Variants in AXDND1 observed in about 807,000 individuals in gnomAD.
AXDND1 encodes axonemal dynein light chain domain containing 1.
AXDND1 carries 110 observed loss-of-function variants against 137.5 expected under a neutral mutation model. The observed-to-expected ratio is 0.80, with a 90% CI of 0.69 to 0.94. The LOEUF (loss-of-function observed/expected upper bound fraction) is 0.94. Ranked by LOEUF, AXDND1 falls within the 40% of genes least tolerant of loss-of-function variation. The pLI is 0.00. For synonymous variants in AXDND1, 414 were observed against 399.7 expected, an observed-to-expected ratio of 1.04 and a Z score of -0.43; for missense variants, 1,191 against 1,169.8, an observed-to-expected ratio of 1.02 and a Z score of -0.26.
At chr1:179,487,281 G>A (rs575027194) in intron 18 of AXDND1, among the ~76,000 whole-genome samples, 1 of 148,404 alleles carries the variant, frequency 6.7e-6, no homozygotes, top group East Asian at 1.9e-4. Flanking sequence ...TGTGCTGCTT[G>A]GCTGTCTAAA....
rs772875770 is a variant in AXDND1 at position 179,378,751 on chromosome 1, C to T, written c.489C>T (p.Pro163=). Residue 163 remains proline, a synonymous_variant, in exon 5 of 26, where the codon CCC becomes CCT. Transcript: ENST00000367618. ...AGTCACATGATGGTGTCATTGTGCCCCATAAGGTAAATAAAGTATTTGACA... is the reference window on the plus strand; with the variant it reads ...AGTCACATGATGGTGTCATTGTGCCTCATAAGGTAAATAAAGTATTTGACA... ...SLQSHDGVIV[P]HKPKTLTDTL... 2 of 1,543,344 alleles carry T rather than the reference C, an allele frequency of 1.3e-6. No homozygotes were observed. Among genetic ancestry groups the T allele is most frequent in the Non-Finnish European group, 1.7e-6 (2 of 1,143,226 alleles).
intron 16 of AXDND1, chr1:179,450,805 A>G (rs542290285): frequency 1.3e-5 from 2 of 152,410 alleles, no homozygotes; most frequent in South Asian, 2.1e-4. Flanking sequence ...ACACATAGCT[A>G]CATAGCTACT....
intron 11 of AXDND1, among the ~76,000 whole-genome samples, chr1:179,407,905 T>C (rs188105258): frequency 1.3e-5 from 2 of 152,368 alleles, no homozygotes; most frequent in East Asian, 3.9e-4. Flanking sequence ...GGTCACTTTA[T>C]GGTGTCCCAT....
intron 12 of AXDND1, among the ~76,000 whole-genome samples, chr1:179,421,881 TA>T (rs1427527351): frequency 1.5e-4 from 23 of 151,736 alleles, no homozygotes; most frequent in African/African-American, 4.8e-4. Flanking sequence ...CTACTAAAAA[TA>T]CAAAAAAATT....
At chr1:179,446,162 C>T (rs1422219883) in intron 16 of AXDND1, among the ~76,000 whole-genome samples, 2 of 152,102 alleles carry the variant, frequency 1.3e-5, no homozygotes, top group African/African-American at 4.8e-5. Context: ...TGCTCAGGTA[C>T]TTTGCCTATG....
chr1:179,483,365 T>C, intron 18 of AXDND1, 144 bp downstream of exon 18: 1 of 505,994 alleles, frequency 2.0e-6, no homozygotes, highest in South Asian at 3.9e-5. Flanking sequence ...CTCAAATAAT[T>C]TTCAATGGAT....
At chr1:179,472,812 C>T (rs1158638059) in intron 17 of AXDND1, among the ~76,000 whole-genome samples, 1 of 152,136 alleles carries the variant, frequency 6.6e-6, no homozygotes, top group Non-Finnish European at 1.5e-5. Flanking sequence ...AGTACAGCCA[C>T]ACCAGCTTTA....
chr1:179,554,328 T>C (rs941121676), intron 25 of AXDND1, 184 bp from the exon 26 acceptor site: 1 of 834,802 alleles, frequency 1.2e-6, no homozygotes, highest in Non-Finnish European at 1.9e-6. Context: ...GGCTGTAAGA[T>C]ATTAGGTGAT....
intron 4 of AXDND1, 103 bp downstream of exon 4, chr1:179,370,181 T>C (rs1667902434): frequency 2.3e-6 from 2 of 886,128 alleles, no homozygotes; most frequent in Non-Finnish European, 3.5e-6. Context: ...CACTGAATCA[T>C]AGATGATAAA....
chr1:179,395,458 G>GT (rs1397460827), intron 11 of AXDND1, among the ~76,000 whole-genome samples: 1 of 151,998 alleles, frequency 6.6e-6, no homozygotes, highest in African/African-American at 2.4e-5. Context: ...TTACTTTCTG[G>GT]TTTTCTAAAA....
Position 179,492,932 on chromosome 1 carries a change from A to T in AXDND1, c.2369A>T (p.Tyr790Phe), listed in dbSNP as rs201169529. 6 of 1,606,318 alleles carry T rather than the reference A, an allele frequency of 3.7e-6. No individual in the cohort carries two copies. Among genetic ancestry groups the T allele is most frequent in the Non-Finnish European group, 2.6e-6 (3 of 1,175,788 alleles). Residue 790 changes from tyrosine (Y) to phenylalanine (F), a missense_variant, in exon 20 of 26, where the codon TAT becomes TTT. Coordinates refer to ENST00000367618, the MANE Select transcript of AXDND1 (RefSeq NM_144696.6). ...CACAAAAATGCTACTGAAGACCTTT[A>T]TGAGGTGGATAAGTTGAAGGTAATA... ...NSHKNATEDL[Y>F]EVDKLKKECY...
intron 15 of AXDND1, among the ~76,000 whole-genome samples, chr1:179,442,647 A>G (rs921073009): frequency 2.0e-5 from 3 of 151,936 alleles, no homozygotes; most frequent in Non-Finnish European, 4.4e-5. Context: ...TCCCATTCCC[A>G]TTACTTCTTT....
intron 21 of AXDND1, among the ~76,000 whole-genome samples, chr1:179,509,676 A>C (rs1168299466): frequency 6.6e-6 from 1 of 152,160 alleles, no homozygotes. Context: ...CCTGAGGCAT[A>C]TCCTCAGGTT....
rs749545551 is a variant in AXDND1 at position 179,429,610 on chromosome 1, A to G, written c.1323A>G (p.Leu441=). Residue 441 remains leucine (L), a synonymous_variant, in exon 13 of 26, where the codon CTA becomes CTG. Transcript: ENST00000367618. ...ACACTAAGCATTTCATCATACTGCT[A>G]TCAAACAAGGTAAAGGTCAATTATC... is the stretch of plus-strand genomic sequence containing the variant. The part of the protein sequence containing the change: ...NKYTKHFIIL[L]SNKDTEDLAL... 1.8e-5 allele frequency: 28 copies of G among 1,566,924 alleles called. No homozygotes were observed. In the East Asian group the frequency reaches 4.5e-4, roughly 25 times the overall value.
intron 2 of AXDND1, among the ~76,000 whole-genome samples, chr1:179,368,121 G>C (rs1263150251): frequency 6.6e-6 from 1 of 152,108 alleles, no homozygotes; most frequent in East Asian, 1.9e-4. Context: ...AGATTAAGAA[G>C]AATAACAACT....
chr1:179,547,412 C>T (rs16854276), intron 25 of AXDND1, among the ~76,000 whole-genome samples: 8,399 of 152,314 alleles, frequency 0.055, 769 homozygotes, highest in African/African-American at 0.19. Context: ...ACTAATCCCT[C>T]TGACCTCAAA....
intron 16 of AXDND1, chr1:179,457,434 C>G (rs1444778024): frequency 9.9e-6 from 3 of 302,700 alleles, no homozygotes; most frequent in African/African-American, 2.1e-5. Context: ...TGTCTTTTGA[C>G]TCAGGATTAT....
chr1:179,386,327 C>T (rs776192556), intron 9 of AXDND1, among the ~76,000 whole-genome samples: 31 of 152,068 alleles, frequency 2.0e-4, no homozygotes, highest in Non-Finnish European at 3.1e-4. Context: ...GGATTACAGG[C>T]GTGAGCCACC....
chr1:179,497,480 C>T (rs1197904141), intron 20 of AXDND1, among the ~76,000 whole-genome samples: 1 of 152,074 alleles, frequency 6.6e-6, no homozygotes, highest in Non-Finnish European at 1.5e-5. Flanking sequence ...AAACCCTCAA[C>T]AGACTAGACA....
Sources: allele counts gnomAD v4.1 joint callset (sites outside exome capture counted in the v4.1 genomes callset), GRCh38; gene constraint gnomAD v4.1.1; transcripts MANE v1.5; gene names NCBI Gene and HGNC (gene_info 2026-07-23, HGNC 2026-07-21).